The following LARGE1 variants were observed in gnomAD, a reference collection of about 807,000 sequenced individuals.
The protein encoded by LARGE1 is LARGE xylosyl- and glucuronyltransferase 1, also known as xylosyl- and glucuronyltransferase LARGE1.
A neutral mutation model predicts 87.6 loss-of-function variants in LARGE1; 43 were observed. The observed-to-expected ratio is 0.49, with a 90% CI of 0.38 to 0.63. LARGE1 has a LOEUF of 0.63. LARGE1 is among the 30% of genes least tolerant of loss of function. LARGE1 has a pLI of 0.00. For missense variants in LARGE1, 802 were observed against 1,000.2 expected, an observed-to-expected ratio of 0.80 and a Z score of 2.67; for synonymous variants, 434 against 394.6, an observed-to-expected ratio of 1.10 and a Z score of -1.18.
chr22:33,567,822 C>T (rs962621454), intron 5 of LARGE1, among the ~76,000 whole-genome samples: 2 of 152,052 alleles, frequency 1.3e-5, no homozygotes, highest in Non-Finnish European at 2.9e-5. Flanking sequence ...TCCAGGTATG[C>T]CCGTTGTTTA....
intron 1 of LARGE1, among the ~76,000 whole-genome samples, chr22:33,864,795 C>T (rs1463982158): frequency 6.6e-6 from 1 of 152,218 alleles, no homozygotes; most frequent in Non-Finnish European, 1.5e-5. Context: ...CCTCTTCCTA[C>T]TTTCAGAATC....
chr22:33,461,469 T>A (rs1001546177), intron 6 of LARGE1, among the ~76,000 whole-genome samples: 11 of 151,960 alleles, frequency 7.2e-5, no homozygotes, highest in African/African-American at 2.7e-4. Context: ...TGTTATGACC[T>A]TTGGACACAG....
intron 1 of LARGE1, among the ~76,000 whole-genome samples, chr22:33,855,057 G>A: frequency 6.6e-6 from 1 of 152,146 alleles, no homozygotes; most frequent in East Asian, 1.9e-4. Context: ...GCCTTAGGCT[G>A]GGCACGGTGG....
chr22:33,629,370 A>T (rs997999970), intron 3 of LARGE1, among the ~76,000 whole-genome samples: 1 of 152,306 alleles, frequency 6.6e-6, no homozygotes, highest in East Asian at 1.9e-4. Context: ...GAGACTTTTT[A>T]AAATGGGCCC....
At chr22:33,080,480 G>A in the LARGE1 span, among the ~76,000 whole-genome samples, 3 of 152,302 alleles carry the variant, frequency 2.0e-5, no homozygotes, top group East Asian at 5.8e-4. Flanking sequence ...TCAGAGAACA[G>A]GAAAGGGCAA....
At chr22:33,580,473 C>A (rs1244238236) in intron 5 of LARGE1, among the ~76,000 whole-genome samples, 3 of 151,822 alleles carry the variant, frequency 2.0e-5, no homozygotes, top group Non-Finnish European at 4.4e-5. Context: ...CTTACAGAAT[C>A]GAGCTGCTGG....
At chr22:33,550,498 G>A (rs1176310096) in intron 6 of LARGE1, among the ~76,000 whole-genome samples, 1 of 152,124 alleles carries the variant, frequency 6.6e-6, no homozygotes, top group African/African-American at 2.4e-5. Context: ...ACCACAAAAA[G>A]TTATGAGATA....
intron 1 of LARGE1, among the ~76,000 whole-genome samples, chr22:33,792,284 T>G (rs1197915838): frequency 6.6e-6 from 1 of 152,170 alleles, no homozygotes; most frequent in African/African-American, 2.4e-5. Flanking sequence ...CCCCATGCTA[T>G]TCTCGTGATA....
At chr22:33,644,231 T>A (rs1482031817) in intron 3 of LARGE1, among the ~76,000 whole-genome samples, 1 of 152,210 alleles carries the variant, frequency 6.6e-6, no homozygotes. Context: ...GTTGGATTCA[T>A]CCCTGGGATG....
chr22:33,277,384 A>ACCCC, intron 13 of LARGE1, 129 bp from the exon 14 acceptor site: 1 of 878,212 alleles, frequency 1.1e-6, no homozygotes. Flanking sequence ...CTCCCTCCCA[A>ACCCC]AAGCTATGTT....
intron 1 of LARGE1, among the ~76,000 whole-genome samples, chr22:33,814,857 G>A (rs970027388): frequency 6.6e-6 from 1 of 152,070 alleles, no homozygotes; most frequent in African/African-American, 2.4e-5. Context: ...CTCACAACAG[G>A]TCACCTATGT....
At chr22:33,512,073 G>A (rs962300190) in intron 6 of LARGE1, among the ~76,000 whole-genome samples, 1 of 151,884 alleles carries the variant, frequency 6.6e-6, no homozygotes, top group African/African-American at 2.4e-5. Context: ...ACTTCATTAT[G>A]AGCTAAAATA....
At chr22:33,277,362 G>A (rs928832920) in intron 13 of LARGE1, 107 bp from the exon 14 acceptor site, 6 of 1,040,496 alleles carry the variant, frequency 5.8e-6, no homozygotes, top group Non-Finnish European at 8.7e-6. Flanking sequence ...GTCCTCGGGT[G>A]AGTTGAACTG....
intron 6 of LARGE1, among the ~76,000 whole-genome samples, chr22:33,462,157 A>G: frequency 6.6e-6 from 1 of 152,376 alleles, no homozygotes; most frequent in East Asian, 1.9e-4. Context: ...AAAAGGAACC[A>G]AATAAATGTT....
At chr22:33,441,666 C>T (rs1290136948) in intron 6 of LARGE1, among the ~76,000 whole-genome samples, 1 of 152,080 alleles carries the variant, frequency 6.6e-6, no homozygotes, top group Non-Finnish European at 1.5e-5. Context: ...GCTATGTCGC[C>T]CAGGCTGGTC....
intron 3 of LARGE1, among the ~76,000 whole-genome samples, chr22:33,635,121 A>T (rs1300821772): frequency 6.6e-6 from 1 of 150,956 alleles, no homozygotes; most frequent in Non-Finnish European, 1.5e-5. Flanking sequence ...CCATCTCCAA[A>T]AAAAAAAAAA....
chr22:33,640,325 G>A (rs1047772524), intron 3 of LARGE1, among the ~76,000 whole-genome samples: 1 of 152,180 alleles, frequency 6.6e-6, no homozygotes, highest in African/African-American at 2.4e-5. Flanking sequence ...ACTTTTAAGT[G>A]CATCTATTGG....
intron 2 of LARGE1, among the ~76,000 whole-genome samples, chr22:33,675,291 T>TAAAAAAAAAAAAAA (rs2081537793): frequency 1.2e-3 from 1 of 848 alleles, no homozygotes; most frequent in African/African-American, 6.3e-3. Flanking sequence ...CGAAACTCCA[T>TAAAAAAAAAAAAAA]CAAAAAAAAA....
intron 6 of LARGE1, among the ~76,000 whole-genome samples, chr22:33,531,998 G>A (rs1298398048): frequency 6.6e-6 from 1 of 152,232 alleles, no homozygotes; most frequent in Non-Finnish European, 1.5e-5. Context: ...AGATGATCTA[G>A]AAAGCTGTTT....
Sources: gnomAD v4.1 joint callset for allele counts (sites outside exome capture counted in the v4.1 genomes callset) on GRCh38, gnomAD v4.1.1 for gene constraint, MANE v1.5 for transcripts, NCBI Gene and HGNC (gene_info 2026-07-23, HGNC 2026-07-21) for gene names.